TESC: variants seen among roughly 807,000 people sequenced by gnomAD.
The protein encoded by TESC is tescalcin, also known as calcineurin B homologous protein 3.
In TESC, 19 loss-of-function variants were observed where a neutral mutation model predicts 31.0. That is an observed-to-expected ratio of 0.61 (90% CI 0.43 to 0.90). The LOEUF is 0.90. Among genes scored for constraint, TESC ranks in the 40% least tolerant of loss-of-function variants. TESC has a pLI of 0.00. For synonymous variants in TESC, 109 were observed against 114.8 expected (o/e 0.95, Z 0.32); for missense variants, 248 against 303.8 (o/e 0.82, Z 1.36).
chr12:117,046,433 CCCACAGG>C lies in TESC; in HGVS notation c.519+119_519+125del, dbSNP rs1456950692. The C allele has an allele frequency of 2.2e-5, 21 of 939,210 alleles. No individual in the cohort carries two copies. In the East Asian group the frequency reaches 3.4e-4, roughly 15 times the overall value. The allele number at this position is 939,210 out of a possible 1,614,324, so 58.2% of individuals were successfully genotyped here. ...GAAGGGCTGGGAGAGGTTCCTGAGC[CCCACAGG>C]CCACAGGTAGAGCAGGTGGCAGAAT... On this transcript the variant is annotated intron_variant, in intron 6 of 7. Coordinates refer to ENST00000335209, the MANE Select transcript of TESC (RefSeq NM_017899.4).
At chr12:117,088,855 AG>A (rs1484215660) in intron 1 of TESC, among the ~76,000 whole-genome samples, 5 of 152,212 alleles carry the variant, frequency 3.3e-5, no homozygotes, top group Non-Finnish European at 4.4e-5. Context: ...CCCAAGTGCC[AG>A]GGGCAAGGAA....
intron 4 of TESC, among the ~76,000 whole-genome samples, chr12:117,047,425 T>TC (rs397959373): frequency 2.0e-3 from 309 of 151,832 alleles, no homozygotes; most frequent in Middle Eastern, 3.4e-3. Flanking sequence ...TTTTTTTTTT[T>TC]AATGTATTTA....
At chr12:117,085,489 C>T (rs755929597) in intron 1 of TESC, among the ~76,000 whole-genome samples, 6 of 152,144 alleles carry the variant, frequency 3.9e-5, no homozygotes, top group South Asian at 4.2e-4. Context: ...AGCCTTCTCC[C>T]GTGCCCCAGG....
intron 6 of TESC, among the ~76,000 whole-genome samples, chr12:117,045,375 C>T (rs147691195): frequency 2.0e-5 from 3 of 152,330 alleles, no homozygotes; most frequent in East Asian, 1.9e-4. Context: ...AGAAAACTGT[C>T]GCCAATTGAA....
At chr12:117,046,437 C>G (rs940053869) in intron 6 of TESC, 122 bp downstream of exon 6, 7 of 975,598 alleles carry the variant, frequency 7.2e-6, no homozygotes, top group Admixed American at 2.8e-5. Context: ...CTGAGCCCCA[C>G]AGGCCACAGG....
chr12:117,055,022 G>C (rs189765362), intron 3 of TESC, among the ~76,000 whole-genome samples: 1 of 152,096 alleles, frequency 6.6e-6, no homozygotes, highest in Non-Finnish European at 1.5e-5. Flanking sequence ...TGAGGCTCGA[G>C]CTCTGGCCTG....
At chr12:117,078,680 G>A (rs919534688) in intron 1 of TESC, among the ~76,000 whole-genome samples, 42 of 152,024 alleles carry the variant, frequency 2.8e-4, no homozygotes, top group Non-Finnish European at 4.7e-4. Flanking sequence ...TCTGTGTTGT[G>A]GAAAAGACAT....
intron 1 of TESC, among the ~76,000 whole-genome samples, chr12:117,087,475 C>T (rs1408325514): frequency 1.3e-5 from 2 of 152,148 alleles, no homozygotes; most frequent in African/African-American, 4.8e-5. Context: ...TGAATGAATC[C>T]TCCAATTCTC....
chr12:117,069,074 C>T (rs577068518), intron 2 of TESC, among the ~76,000 whole-genome samples: 162 of 151,696 alleles, frequency 1.1e-3, no homozygotes, highest in South Asian at 4.6e-3. Context: ...GGCTAATGAA[C>T]GTGTTAGAAT....
At chr12:117,060,843 C>T (rs1348632543) in intron 2 of TESC, among the ~76,000 whole-genome samples, 3 of 152,214 alleles carry the variant, frequency 2.0e-5, no homozygotes, top group Non-Finnish European at 4.4e-5. Flanking sequence ...AAAGGGACCA[C>T]GTGGAGCTCC....
chr12:117,051,740 C>T (rs1954650449), intron 3 of TESC, among the ~76,000 whole-genome samples: 2 of 152,060 alleles, frequency 1.3e-5, no homozygotes, highest in African/African-American at 4.8e-5. Context: ...TCTCTGGGAA[C>T]CTTGTGACCG....
chr12:117,097,468 C>T (rs867704814), intron 1 of TESC, among the ~76,000 whole-genome samples: 1 of 152,108 alleles, frequency 6.6e-6, no homozygotes, highest in African/African-American at 2.4e-5. Context: ...GAGAGCCCAC[C>T]CTTCCAACGG....
chr12:117,049,104 G>T lies in TESC; in HGVS notation c.264C>A (p.Phe88Leu). 1.2e-6 allele frequency: 2 copies of T among 1,614,242 alleles called. No homozygotes were observed. Among genetic ancestry groups the T allele is most frequent in the Non-Finnish European group, 1.7e-6 (2 of 1,180,052 alleles). Residue 88 changes from phenylalanine to leucine, a missense_variant, in exon 4 of 8, where the codon TTC (phenylalanine) becomes TTA (leucine). By Grantham distance (22) the Phe-to-Leu change is conservative. Transcript: ENST00000335209. ...GCCGGAAGTAGGACATGATGGTCAGGAAGTCCTCGAAATTGATCTCATCAG... is the reference window on the plus strand; with the variant it reads ...GCCGGAAGTAGGACATGATGGTCAGTAAGTCCTCGAAATTGATCTCATCAG... Reference protein sequence around the residue: ...GLADEINFEDFLTIMSYFRPI... With the variant: ...GLADEINFEDLLTIMSYFRPI...
At chr12:117,046,717 G>T (rs1009108556) in intron 5 of TESC, 51 bp from the exon 6 acceptor site, 20 of 1,552,736 alleles carry the variant, frequency 1.3e-5, no homozygotes, top group Non-Finnish European at 1.6e-5. Flanking sequence ...CATCAGGGTC[G>T]TGGGGGGCAG....
chr12:117,053,533 A>C (rs962737610), intron 3 of TESC, among the ~76,000 whole-genome samples: 5 of 151,396 alleles, frequency 3.3e-5, no homozygotes, highest in Non-Finnish European at 5.9e-5. Context: ...GTTTTTTTTT[A>C]AGGAATAAGA....
intron 2 of TESC, among the ~76,000 whole-genome samples, chr12:117,062,244 C>T (rs760355809): frequency 2.8e-4 from 42 of 151,058 alleles, no homozygotes; most frequent in Non-Finnish European, 5.9e-4. Context: ...TTTTTTGAGA[C>T]GGAGTCTCAC....
intron 3 of TESC, 86 bp downstream of exon 3, chr12:117,056,720 A>T: frequency 6.9e-7 from 1 of 1,441,732 alleles, no homozygotes; most frequent in Non-Finnish European, 9.8e-7. Context: ...ATCAGCTCAA[A>T]GGGTCATTCT....
intron 1 of TESC, 118 bp from the exon 2 acceptor site, chr12:117,075,458 GC>G (rs2135784794): frequency 9.6e-7 from 1 of 1,046,706 alleles, no homozygotes; most frequent in Admixed American, 2.4e-5. Context: ...CCTTCTCAAA[GC>G]ATCTCCCACC....
intron 2 of TESC, among the ~76,000 whole-genome samples, chr12:117,064,388 CTT>C (rs1954843223): frequency 1.3e-5 from 2 of 152,238 alleles, no homozygotes; most frequent in Non-Finnish European, 2.9e-5. Flanking sequence ...GCAAATGCCT[CTT>C]TGAAAAGCTG....
Sources: gnomAD v4.1 joint callset for allele counts (sites outside exome capture counted in the v4.1 genomes callset) on GRCh38, gnomAD v4.1.1 for gene constraint, MANE v1.5 for transcripts, NCBI Gene and HGNC (gene_info 2026-07-23, HGNC 2026-07-21) for gene names.